Variants in VSTM4 observed in about 807,000 individuals in gnomAD.
VSTM4 encodes V-set and transmembrane domain-containing protein 4.
A neutral mutation model predicts 36.4 loss-of-function variants in VSTM4; 20 were observed. The ratio of observed to expected loss-of-function variants is 0.55; its 90% CI spans 0.39 to 0.80. The LOEUF is 0.80. Ranked by LOEUF, VSTM4 falls within the 30% of genes least tolerant of loss-of-function variation. VSTM4 has a pLI of 0.00. For missense variants in VSTM4, 392 were observed against 404.5 expected (o/e 0.97, Z 0.26); for synonymous variants, 182 against 173.9 (o/e 1.05, Z -0.37).
At chr10:49,077,561 G>A (rs373679358) in intron 3 of VSTM4, among the ~76,000 whole-genome samples, 5 of 152,318 alleles carry the variant, frequency 3.3e-5, no homozygotes, top group South Asian at 2.1e-4. Context: ...GTAATTCAAC[G>A]GCGGAAGGAC....
intron 4 of VSTM4, among the ~76,000 whole-genome samples, chr10:49,068,183 G>A (rs1234978586): frequency 9.9e-5 from 15 of 152,098 alleles, no homozygotes; most frequent in Admixed American, 1.3e-4. Context: ...GGCAGCTGGC[G>A]TCAGGGGTCC....
chr10:49,103,848 T>A (rs755007676), intron 2 of VSTM4: 1 of 1,613,952 alleles, frequency 6.2e-7, no homozygotes, highest in Non-Finnish European at 8.5e-7. Flanking sequence ...CTCCACTGGA[T>A]GGCTGGAGAC....
intron 7 of VSTM4, among the ~76,000 whole-genome samples, chr10:49,020,682 A>G (rs1843167808): frequency 1.4e-5 from 2 of 145,170 alleles, no homozygotes; most frequent in African/African-American, 2.5e-5. Flanking sequence ...TGTACCATCA[A>G]AAAGAAGGAA....
At chr10:49,077,117 C>A (rs1844191890) in intron 4 of VSTM4, 102 bp downstream of exon 4, 6 of 1,175,428 alleles carry the variant, frequency 5.1e-6, no homozygotes, top group Admixed American at 2.0e-5. Flanking sequence ...CCCTGACTCA[C>A]AATGCACTTT....
chr10:49,051,269 T>C (rs1372159408), intron 5 of VSTM4, among the ~76,000 whole-genome samples: 1 of 152,198 alleles, frequency 6.6e-6, no homozygotes, highest in African/African-American at 2.4e-5. Context: ...CAGTTTTGTC[T>C]TTTCCAGGAT....
At chr10:49,079,457 G>A (rs567618714) in intron 3 of VSTM4, among the ~76,000 whole-genome samples, 4 of 152,178 alleles carry the variant, frequency 2.6e-5, no homozygotes, top group Non-Finnish European at 5.9e-5. Flanking sequence ...AGTGAAAAGG[G>A]AAGCCAAAAG....
At chr10:49,055,217 T>A (rs1458073780) in intron 5 of VSTM4, among the ~76,000 whole-genome samples, 1 of 152,190 alleles carries the variant, frequency 6.6e-6, no homozygotes, top group Non-Finnish European at 1.5e-5. Flanking sequence ...CCCCCTGAGC[T>A]CTTCTTGCTC....
intron 5 of VSTM4, among the ~76,000 whole-genome samples, chr10:49,051,744 G>A (rs1054403798): frequency 6.6e-6 from 1 of 152,152 alleles, no homozygotes; most frequent in African/African-American, 2.4e-5. Context: ...TCATCTGGAT[G>A]TACCACAGTT....
intron 4 of VSTM4, among the ~76,000 whole-genome samples, chr10:49,076,272 G>A (rs1452000485): frequency 3.3e-5 from 5 of 152,198 alleles, no homozygotes; most frequent in Middle Eastern, 3.2e-3. Flanking sequence ...ATAAAAGCAG[G>A]ACATTCGCTG....
chr10:49,083,861 G>C (rs1475575756), intron 3 of VSTM4, among the ~76,000 whole-genome samples: 1 of 152,196 alleles, frequency 6.6e-6, no homozygotes, highest in Non-Finnish European at 1.5e-5. Context: ...CACTTGCATA[G>C]GAATCACCTG....
chr10:49,069,778 G>A (rs1012250212), intron 4 of VSTM4, among the ~76,000 whole-genome samples: 17 of 152,190 alleles, frequency 1.1e-4, no homozygotes, highest in Non-Finnish European at 2.2e-4. Flanking sequence ...AAGCCACTTA[G>A]AGGCCACATT....
chr10:49,049,160 T>C (rs1001102229), intron 5 of VSTM4, among the ~76,000 whole-genome samples: 2 of 152,122 alleles, frequency 1.3e-5, no homozygotes, highest in Admixed American at 1.3e-4. Context: ...ACCTTTACCT[T>C]TAGGACAGGT....
chr10:49,039,522 T>C (rs1301524332), intron 7 of VSTM4, among the ~76,000 whole-genome samples: 2 of 152,146 alleles, frequency 1.3e-5, no homozygotes, highest in Non-Finnish European at 2.9e-5. Context: ...TGGTTTTCTA[T>C]GTCTTTCGTC....
chr10:49,043,296 GATA>G (rs1030697317), intron 7 of VSTM4, among the ~76,000 whole-genome samples: 1 of 152,182 alleles, frequency 6.6e-6, no homozygotes, highest in African/African-American at 2.4e-5. Flanking sequence ...ATGATTAAAT[GATA>G]ATATTTTTGA....
chr10:49,025,363 T>C (rs559379173), intron 7 of VSTM4, among the ~76,000 whole-genome samples: 1 of 152,228 alleles, frequency 6.6e-6, no homozygotes, highest in African/African-American at 2.4e-5. Flanking sequence ...AAGGCATTTA[T>C]GTCAGCAGCA....
rs181162747 is a variant in VSTM4 at position 49,077,255 on chromosome 10, C to T, written c.598G>A (p.Val200Ile). 62 of 1,614,124 alleles carry T rather than the reference C, an allele frequency of 3.8e-5. No individual in the cohort carries two copies. The highest frequency in any genetic ancestry group is 6.7e-5 in the East Asian group (3 of 44,884). Residue 200 changes from valine (V) to isoleucine (I), a missense_variant, in exon 4 of 8, where the codon GTC becomes ATC. By Grantham distance (29) the Val-to-Ile change is conservative. Transcript: ENST00000332853. ...LSILLFMLVIVWQSVFNKRKS... is the reference protein window; with the variant it reads ...LSILLFMLVIIWQSVFNKRKS... ...CGCTTGTTAAACACAGACTGCCAGACGATGACCAGCATGAAGAGCAGAATG... is the reference window on the plus strand; with the variant it reads ...CGCTTGTTAAACACAGACTGCCAGATGATGACCAGCATGAAGAGCAGAATG...
rs1843146069 is a variant in VSTM4 at position 49,019,382 on chromosome 10, T to C, written c.*268A>G. The C allele has an allele frequency of 6.7e-6, 2 of 299,580 alleles. No homozygotes were observed. Among genetic ancestry groups the C allele is most frequent in the Admixed American group, 5.1e-5 (1 of 19,434 alleles). The allele number at this position is 299,580 out of a possible 1,614,324, so 18.6% of individuals were successfully genotyped here. The stretch of plus-strand genomic sequence containing the variant: ...GGGTTTGGCTCAGCAGAAAATCTCC[T>C]TGGCTGCTCTCAGGATCAGAATCCT... On this transcript the variant is annotated 3_prime_UTR_variant, in exon 8 of 8. Coordinates refer to ENST00000332853, the MANE Select transcript of VSTM4 (RefSeq NM_001031746.5).
intron 5 of VSTM4, among the ~76,000 whole-genome samples, chr10:49,058,222 T>C (rs900118117): frequency 6.6e-6 from 1 of 152,096 alleles, no homozygotes; most frequent in Non-Finnish European, 1.5e-5. Context: ...ATCCCGTAAG[T>C]AGAGATGAAG....
At chr10:49,038,474 T>A (rs1416020904) in intron 7 of VSTM4, among the ~76,000 whole-genome samples, 1 of 152,164 alleles carries the variant, frequency 6.6e-6, no homozygotes, top group Non-Finnish European at 1.5e-5. Flanking sequence ...GGGGGGTGTT[T>A]CTTGAGTACA....
Sources: allele counts gnomAD v4.1 joint callset (sites outside exome capture counted in the v4.1 genomes callset), GRCh38; gene constraint gnomAD v4.1.1; transcripts MANE v1.5; gene names NCBI Gene and HGNC (gene_info 2026-07-23, HGNC 2026-07-21).